Variants in ZNF678 observed in about 807,000 individuals in gnomAD.
ZNF678 encodes zinc finger protein 678.
A neutral mutation model predicts 3.0 loss-of-function variants in ZNF678; 5 were observed. The ratio of observed to expected loss-of-function variants is 1.69; its 90% confidence interval spans 0.88 to 3.56. ZNF678 has a LOEUF of 3.56. Among genes scored for constraint, ZNF678 ranks in the 30% most tolerant of loss-of-function variants. The pLI is 0.00. For synonymous variants in ZNF678, 218 were observed against 199.6 expected (o/e 1.09, Z -0.78); for missense variants, 593 against 605.0 (o/e 0.98, Z 0.21).
At chr1:227,568,313 C>CTTT (rs3033456) in intron 1 of ZNF678, among the ~76,000 whole-genome samples, 218 of 149,516 alleles carry the variant, frequency 1.5e-3, no homozygotes, top group African/African-American at 1.7e-3. Flanking sequence ...TGAACAAGTA[C>CTTT]TTTTTTTTTT....
At chr1:227,569,532 G>A (rs1656781749) in intron 1 of ZNF678, among the ~76,000 whole-genome samples, 2 of 152,048 alleles carry the variant, frequency 1.3e-5, no homozygotes, top group Admixed American at 6.5e-5. Context: ...CACCACATTG[G>A]TTGAATTTAT....
At chr1:227,606,507 C>A (rs1657875676) in intron 1 of ZNF678, among the ~76,000 whole-genome samples, 1 of 152,212 alleles carries the variant, frequency 6.6e-6, no homozygotes, top group Non-Finnish European at 1.5e-5. Flanking sequence ...CGGAGACATT[C>A]CATTCCCAGG....
chr1:227,601,381 ATTTG>A (rs1334541013), intron 1 of ZNF678, among the ~76,000 whole-genome samples: 1 of 151,878 alleles, frequency 6.6e-6, no homozygotes, highest in Non-Finnish European at 1.5e-5. Flanking sequence ...AATTTTTAAA[ATTTG>A]TTTGTGTCAT....
Position 227,577,352 on chromosome 1 carries a change from A to G in ZNF678, c.-164+13628A>G, listed in dbSNP as rs150497152. Among the ~76,000 whole-genome samples the G allele has an allele frequency of 5.3e-3, 803 of 152,266 alleles. 8 individuals are homozygous for G. The highest frequency in any genetic ancestry group is 0.018 in the African/African-American group (758 of 41,556). On this transcript the variant is annotated intron_variant, in intron 1 of 3. Transcript: ENST00000343776. The stretch of plus-strand genomic sequence containing the variant: ...CAGTGGGGTATTAAAGCCCCCTACT[A>G]TTACTGTGTGGGAGTCTAAATTTCT...
chr1:227,624,241 A>G (rs1170219288), intron 1 of ZNF678, among the ~76,000 whole-genome samples: 1 of 152,228 alleles, frequency 6.6e-6, no homozygotes, highest in East Asian at 1.9e-4. Flanking sequence ...TTGCATTTCA[A>G]TAACAAATAC....
intron 3 of ZNF678, among the ~76,000 whole-genome samples, chr1:227,651,530 G>C (rs1659093005): frequency 6.6e-6 from 1 of 152,154 alleles, no homozygotes; most frequent in Non-Finnish European, 1.5e-5. Flanking sequence ...ACCTCTTCTT[G>C]ACTATGGCTG....
At chr1:227,618,852 A>G (rs1658204932) in intron 1 of ZNF678, among the ~76,000 whole-genome samples, 2 of 152,210 alleles carry the variant, frequency 1.3e-5, no homozygotes, top group South Asian at 2.1e-4. Context: ...TCACACTGCT[A>G]TAAAGAAATA....
At chr1:227,586,010 C>T (rs1657252255) in intron 1 of ZNF678, among the ~76,000 whole-genome samples, 1 of 152,040 alleles carries the variant, frequency 6.6e-6, no homozygotes, top group African/African-American at 2.4e-5. Context: ...TGGTATTCAA[C>T]ATGTCCACTT....
chr1:227,587,462 G>A (rs1657291755), intron 1 of ZNF678, among the ~76,000 whole-genome samples: 1 of 152,072 alleles, frequency 6.6e-6, no homozygotes, highest in Non-Finnish European at 1.5e-5. Flanking sequence ...TGCTTTATAA[G>A]TTTTTACAAG....
chr1:227,626,219 T>G (rs1389639337), intron 1 of ZNF678, among the ~76,000 whole-genome samples: 1 of 152,160 alleles, frequency 6.6e-6, no homozygotes, highest in Non-Finnish European at 1.5e-5. Flanking sequence ...GGTTGTCGCT[T>G]AAAGAGCAGG....
intron 1 of ZNF678, among the ~76,000 whole-genome samples, chr1:227,583,873 A>G (rs1371098346): frequency 6.6e-6 from 1 of 152,204 alleles, no homozygotes. Flanking sequence ...TAGCTACTCA[A>G]TCACCATTTC....
At chr1:227,670,660 G>A (rs775070116) in intron 5 of ZNF678, among the ~76,000 whole-genome samples, 2 of 151,730 alleles carry the variant, frequency 1.3e-5, no homozygotes, top group Non-Finnish European at 2.9e-5. Context: ...GGTCTCAAGT[G>A]GAAGCTGCTC....
At chr1:227,624,531 T>C (rs753009952) in intron 1 of ZNF678, among the ~76,000 whole-genome samples, 98 of 152,208 alleles carry the variant, frequency 6.4e-4, no homozygotes, top group Non-Finnish European at 1.2e-3. Flanking sequence ...GGCAGGTCTT[T>C]GTTCTTAGAG....
chr1:227,572,506 G>A (rs1239629000), intron 1 of ZNF678, among the ~76,000 whole-genome samples: 1 of 152,182 alleles, frequency 6.6e-6, no homozygotes. Flanking sequence ...AAAGGAGGTC[G>A]GTAAGGGGAC....
intron 1 of ZNF678, among the ~76,000 whole-genome samples, chr1:227,574,944 T>G (rs929588507): frequency 2.0e-5 from 3 of 151,762 alleles, no homozygotes; most frequent in Non-Finnish European, 4.4e-5. Context: ...TATGGGGTTT[T>G]TTGTTGTTGT....
intron 1 of ZNF678, among the ~76,000 whole-genome samples, chr1:227,623,388 A>C (rs1303169102): frequency 6.6e-6 from 1 of 152,242 alleles, no homozygotes; most frequent in African/African-American, 2.4e-5. Context: ...CATCTGTGAC[A>C]TGGGGAATAA....
rs1179903883 is a variant in ZNF678, at chr1:227,656,761, A to G, written c.*933A>G. ...ATTGTTTTATGAGTTGCACATTAAG[A>G]TAATACAGTAGCTTTTGAAATGTTA... On this transcript the variant is annotated 3_prime_UTR_variant, in exon 4 of 4. Transcript: ENST00000343776. 2 of 152,010 alleles carry G rather than the reference A, an allele frequency of 1.3e-5. No homozygotes were observed. The highest frequency in any genetic ancestry group is 4.8e-5 in the African/African-American group (2 of 41,432). The allele number at this position is 152,010 out of a possible 1,614,324, so 9.4% of individuals were successfully genotyped here.
At chr1:227,622,205 T>A (rs1658297892) in intron 1 of ZNF678, among the ~76,000 whole-genome samples, 1 of 152,220 alleles carries the variant, frequency 6.6e-6, no homozygotes, top group Non-Finnish European at 1.5e-5. Context: ...TAACAAGAAC[T>A]TTGGTGTCCA....
At chr1:227,585,349 G>A (rs547170444) in intron 1 of ZNF678, among the ~76,000 whole-genome samples, 11 of 152,244 alleles carry the variant, frequency 7.2e-5, no homozygotes, top group East Asian at 3.9e-4. Context: ...AGTAGGAAAC[G>A]AATTAAAGTA....
Sources: gnomAD v4.1 joint callset for allele counts (sites outside exome capture counted in the v4.1 genomes callset) on GRCh38, gnomAD v4.1.1 for gene constraint, MANE v1.5 for transcripts, NCBI Gene and HGNC (gene_info 2026-07-23, HGNC 2026-07-21) for gene names.